ERC1: variants seen among roughly 807,000 people sequenced by gnomAD.
ERC1 encodes ELKS/RAB6-interacting/CAST family member 1, also known as RAB6 interacting protein 2.
In ERC1, 56 loss-of-function variants were observed where a neutral mutation model predicts 132.0. The observed-to-expected ratio is 0.42, with a 90% confidence interval of 0.34 to 0.53. The LOEUF (loss-of-function observed/expected upper bound fraction) is 0.53, where lower values mean the gene tolerates loss of function less well. ERC1 is among the 20% of genes least tolerant of loss of function. The pLI, the probability that ERC1 is intolerant of heterozygous loss-of-function variation, is 0.03. For missense variants in ERC1, 1,202 were observed against 1,349.9 expected, an observed-to-expected ratio of 0.89 and a Z score of 1.72; for synonymous variants, 478 against 476.1, an observed-to-expected ratio of 1.00 and a Z score of -0.05.
chr12:1,444,628 A>G lies in ERC1; in HGVS notation c.3091A>G (p.Thr1031Ala). Residue 1031 changes from threonine to alanine, a missense_variant, in exon 18 of 19, where the codon ACA (threonine) becomes GCA (alanine). Thr to Ala is a moderately conservative substitution (Grantham distance 58, BLOSUM62 0). Coordinates refer to ENST00000360905, the MANE Select transcript of ERC1 (RefSeq NM_178040.4). ...ATTAAAGTTGTACATTGGACACCTG[A>G]CAACCCTCTGCCATGACCGAGACCC... ...SKLKLYIGHL[T>A]TLCHDRDPLI... 6.2e-7 allele frequency: 1 copy of G among 1,614,138 alleles called. No homozygotes were observed. The highest frequency in any genetic ancestry group is 8.5e-7 in the Non-Finnish European group (1 of 1,179,994).
At chr12:1,050,240 G>A (rs1418677534) in intron 2 of ERC1, among the ~76,000 whole-genome samples, 2 of 152,168 alleles carry the variant, frequency 1.3e-5, no homozygotes, top group African/African-American at 4.8e-5. Flanking sequence ...GATGGAACAG[G>A]ACGTCAGGAT....
chr12:1,162,121 C>T (rs1951939027), intron 8 of ERC1, among the ~76,000 whole-genome samples: 1 of 152,178 alleles, frequency 6.6e-6, no homozygotes, highest in African/African-American at 2.4e-5. Flanking sequence ...TTTGTATGCA[C>T]TAGGGTAACC....
chr12:1,392,654 G>A (rs73026438), intron 16 of ERC1, among the ~76,000 whole-genome samples: 4,676 of 152,068 alleles, frequency 0.031, 80 homozygotes, highest in Middle Eastern at 0.065. Context: ...CCTGATACTT[G>A]TATATTTCTG....
At chr12:1,371,735 G>A in intron 15 of ERC1, 98 bp from the exon 16 acceptor site, 1 of 1,344,904 alleles carries the variant, frequency 7.4e-7, no homozygotes, top group East Asian at 2.6e-5. Context: ...TTGCTTTCTT[G>A]GTTTTATTAC....
rs185336264 is a variant in ERC1 at position 1,311,726 on chromosome 12, T to C, written c.2780+21714T>C. ...AAATGTGCAAGCACTATTCTATTGA[T>C]TCCTCAAAAAGATGCAATTGCTTTA... On this transcript the variant is annotated intron_variant, in intron 15 of 18. Transcript: ENST00000360905. 4.4e-3 allele frequency among the ~76,000 whole-genome samples: 674 copies of C among 152,316 alleles called. 7 individuals are homozygous for C. Among genetic ancestry groups the C allele is most frequent in the African/African-American group, 0.016 (653 of 41,578 alleles).
intron 15 of ERC1, among the ~76,000 whole-genome samples, chr12:1,309,994 C>CT (rs1419911456): frequency 6.6e-6 from 1 of 151,468 alleles, no homozygotes; most frequent in Non-Finnish European, 1.5e-5. Flanking sequence ...GTCGCCCAGG[C>CT]TGGAATGCAA....
chr12:1,136,156 A>G (rs1048901741), intron 7 of ERC1, among the ~76,000 whole-genome samples: 11 of 152,242 alleles, frequency 7.2e-5, no homozygotes, highest in African/African-American at 2.7e-4. Flanking sequence ...TCAAGCTCCT[A>G]GACATGACAC....
intron 2 of ERC1, among the ~76,000 whole-genome samples, chr12:1,029,078 G>A (rs1967474101): frequency 6.6e-6 from 1 of 152,102 alleles, no homozygotes; most frequent in African/African-American, 2.4e-5. Context: ...ATGTTGGCCG[G>A]GTGCAATGGC....
intron 17 of ERC1, among the ~76,000 whole-genome samples, chr12:1,413,570 G>A (rs1447684782): frequency 6.6e-6 from 1 of 151,728 alleles, no homozygotes; most frequent in Admixed American, 6.6e-5. Context: ...CTGCAGCCTG[G>A]GTGAAAGAGC....
chr12:1,386,804 C>T (rs749790547), intron 16 of ERC1: 16 of 152,256 alleles, frequency 1.1e-4, no homozygotes, highest in African/African-American at 3.4e-4. Flanking sequence ...GGTACCATCC[C>T]CTGCCTATTC....
rs552354331 is a variant in ERC1, at chr12:1,131,396, C to T, written c.1570-10224C>T. Among the ~76,000 whole-genome samples the T allele has an allele frequency of 2.0e-4, 30 of 152,314 alleles. No individual in the cohort carries two copies. In the South Asian group the frequency reaches 4.8e-3, roughly 24 times the overall value. The stretch of plus-strand genomic sequence containing the variant: ...ATATCCATGCAACTAATTATTACTA[C>T]TAATTTGCCTTTAGATAGATCTGTT... On this transcript the variant is annotated intron_variant, in intron 7 of 18. Coordinates refer to ENST00000360905, the MANE Select transcript of ERC1 (RefSeq NM_178040.4).
chr12:1,208,916 G>A (rs987225409), intron 12 of ERC1, among the ~76,000 whole-genome samples: 14 of 149,662 alleles, frequency 9.4e-5, no homozygotes, highest in Admixed American at 8.0e-4. Flanking sequence ...TTAGCCTCCC[G>A]AGTAGCTGGG....
In ERC1 at chr12:1,491,925, A is replaced by G. The variant is rs920130399; in HGVS notation, c.*1695A>G. 1 of 232,614 alleles carries G rather than the reference A, an allele frequency of 4.3e-6. No homozygotes were observed. The highest frequency in any genetic ancestry group is 8.5e-6 in the Non-Finnish European group (1 of 117,726). 14.4% of individuals were successfully genotyped at this position (232,614 alleles called of 1,614,324 possible). ...GCAGACACTCACATCTCCTGATAAG[A>G]GTTGCTGGACTCGATGTTTTTGTTT... On this transcript the variant is annotated 3_prime_UTR_variant, in exon 19 of 19. Coordinates refer to ENST00000360905, the MANE Select transcript of ERC1 (RefSeq NM_178040.4).
At chr12:1,076,127 T>C (rs1941297033) in intron 2 of ERC1, among the ~76,000 whole-genome samples, 1 of 152,212 alleles carries the variant, frequency 6.6e-6, no homozygotes, top group African/African-American at 2.4e-5. Context: ...TAATAGGTTA[T>C]AACTCTTATG....
intron 16 of ERC1, among the ~76,000 whole-genome samples, chr12:1,407,531 T>G (rs1214105837): frequency 1.3e-5 from 2 of 152,044 alleles, no homozygotes; most frequent in Admixed American, 1.3e-4. Flanking sequence ...TTTATTTTAT[T>G]TTTTATTTTT....
intron 18 of ERC1, among the ~76,000 whole-genome samples, chr12:1,464,799 C>T (rs944379012): frequency 4.0e-5 from 6 of 151,872 alleles, no homozygotes; most frequent in Non-Finnish European, 7.4e-5. Flanking sequence ...GGATTACAGG[C>T]GTGAGCCACG....
Position 1,289,989 on chromosome 12 carries a change from C to T in ERC1, c.2757C>T (p.His919=). Residue 919 remains histidine, a synonymous_variant, in exon 15 of 19, where the codon CAC becomes CAT. Coordinates refer to ENST00000360905, the MANE Select transcript of ERC1 (RefSeq NM_178040.4). ...LTNLRAERRK[H]LEEVLEMKQE... ...ATCTTCGGGCAGAGAGAAGGAAACACTTAGAGGAAGTTCTGGAGATGAAGT... is the reference window on the plus strand; with the variant it reads ...ATCTTCGGGCAGAGAGAAGGAAACATTTAGAGGAAGTTCTGGAGATGAAGT... 10 of 1,614,024 alleles carry T rather than the reference C, an allele frequency of 6.2e-6. No individual in the cohort carries two copies. The highest frequency in any genetic ancestry group is 8.5e-6 in the Non-Finnish European group (10 of 1,179,886).
chr12:1,234,644 G>GA (rs1166938644), intron 12 of ERC1, among the ~76,000 whole-genome samples: 2 of 152,208 alleles, frequency 1.3e-5, no homozygotes, highest in African/African-American at 2.4e-5. Flanking sequence ...GAACAGCCAA[G>GA]AGAGTTTTGA....
intron 17 of ERC1, among the ~76,000 whole-genome samples, chr12:1,411,363 C>G (rs1047445537): frequency 6.6e-6 from 1 of 152,168 alleles, no homozygotes; most frequent in Admixed American, 6.5e-5. Context: ...GGAGTCAGTT[C>G]TCCCTGAAAT....
Sources: allele counts gnomAD v4.1 joint callset (sites outside exome capture counted in the v4.1 genomes callset), GRCh38; gene constraint gnomAD v4.1.1; transcripts MANE v1.5; gene names NCBI Gene and HGNC (gene_info 2026-07-23, HGNC 2026-07-21).